Variants in DLGAP1 observed in about 807,000 individuals in gnomAD.
The protein encoded by DLGAP1 is disks large-associated protein 1.
A neutral mutation model predicts 90.8 loss-of-function variants in DLGAP1; 11 were observed. That is an observed-to-expected ratio of 0.12 (90% CI 0.08 to 0.20). The LOEUF is 0.20. DLGAP1 is among the 10% of genes least tolerant of loss of function. The probability of loss-of-function intolerance (pLI) is 1.00; values close to 1 mark genes in which losing one functional copy is unlikely to be tolerated. For synonymous variants in DLGAP1, 558 were observed against 540.7 expected (o/e 1.03, Z -0.44); for missense variants, 1,050 against 1,333.8 (o/e 0.79, Z 3.31).
chr18:4,297,786 C>A (rs144974537), intron 1 of DLGAP1, among the ~76,000 whole-genome samples: 29 of 152,234 alleles, frequency 1.9e-4, no homozygotes, highest in African/African-American at 7.0e-4. Flanking sequence ...CTTTCTCTAT[C>A]TATCACTGTT....
intron 2 of DLGAP1, among the ~76,000 whole-genome samples, chr18:4,064,202 T>C (rs9951025): frequency 0.11 from 16,652 of 152,000 alleles, 997 homozygotes; most frequent in Non-Finnish European, 0.14. Flanking sequence ...AGAAGGACAG[T>C]ATCTCATATA....
chr18:3,777,969 C>A (rs9966358), intron 5 of DLGAP1, among the ~76,000 whole-genome samples: 37,784 of 151,994 alleles, frequency 0.25, 4,920 homozygotes, highest in African/African-American at 0.33. Context: ...ATGAATCCTT[C>A]GTAAGTAAGC....
chr18:4,176,285 A>G (rs1463494526), intron 1 of DLGAP1, among the ~76,000 whole-genome samples: 1 of 152,238 alleles, frequency 6.6e-6, no homozygotes. Context: ...TTTCCAAGTG[A>G]ATGACTTCCA....
In DLGAP1 at chr18:4,115,316, A is replaced by G. The variant is rs563241629; in HGVS notation, c.-159+35864T>C. Among the ~76,000 whole-genome samples the G allele has an allele frequency of 1.1e-3, 156 of 148,188 alleles. 1 individual carries two copies. Among genetic ancestry groups the G allele is most frequent in the Non-Finnish European group, 1.7e-3 (114 of 67,226 alleles). The stretch of plus-strand genomic sequence containing the variant: ...GTTACAAACCAAAAAATACATTGTT[A>G]TAATTTTACATAATCTTATGTTTTT... On this transcript the variant is annotated intron_variant, in intron 2 of 12. Coordinates refer to ENST00000315677, the MANE Select transcript of DLGAP1 (RefSeq NM_004746.4).
intron 1 of DLGAP1, among the ~76,000 whole-genome samples, chr18:4,227,542 G>C (rs1166240502): frequency 2.6e-5 from 4 of 151,778 alleles, no homozygotes. Flanking sequence ...TCAATAATGA[G>C]AAATTTTTAA....
Position 4,134,993 on chromosome 18 carries a change from A to C in DLGAP1, c.-159+16187T>G, listed in dbSNP as rs1009231459. ...TGCAAAAAGCCCCACAGAATTTTAC[A>C]TAGGAATTTGAATAGTGTGGCCGGA... On this transcript the variant is annotated intron_variant, in intron 2 of 12. Transcript: ENST00000315677. Among the ~76,000 whole-genome samples, 4 of 152,138 alleles carry C rather than the reference A, an allele frequency of 2.6e-5. No homozygotes were observed. The South Asian group carries it at 8.3e-4, about 32-fold the overall frequency.
chr18:3,685,748 G>C (rs1389015764), intron 7 of DLGAP1, among the ~76,000 whole-genome samples: 1 of 152,092 alleles, frequency 6.6e-6, no homozygotes, highest in Non-Finnish European at 1.5e-5. Flanking sequence ...CCCAGCCCAA[G>C]ATGCTACCCT....
chr18:4,269,572 T>G lies in DLGAP1; in HGVS notation c.-266-118285A>C, dbSNP rs765017932. Among the ~76,000 whole-genome samples, 3 of 151,996 alleles carry G rather than the reference T, an allele frequency of 2.0e-5. No homozygotes were observed. The South Asian group carries it at 6.2e-4, about 32-fold the overall frequency. ...GGTTTCACCGTGTTAGCCAGGATGG[T>G]CTCGATCTCCTGACCTTGTGATCCA... On this transcript the variant is annotated intron_variant, in intron 1 of 12. Coordinates refer to ENST00000315677, the MANE Select transcript of DLGAP1 (RefSeq NM_004746.4).
intron 1 of DLGAP1, among the ~76,000 whole-genome samples, chr18:4,357,897 T>G (rs1158563136): frequency 6.6e-6 from 1 of 152,250 alleles, no homozygotes; most frequent in East Asian, 1.9e-4. Context: ...TGCTCCTCAC[T>G]GCTTCTCAAC....
chr18:3,731,860 A>G (rs1054332444), intron 6 of DLGAP1, among the ~76,000 whole-genome samples: 2 of 152,198 alleles, frequency 1.3e-5, no homozygotes, highest in African/African-American at 4.8e-5. Flanking sequence ...ATCAAGAAGC[A>G]AAACTTTTCT....
At chr18:4,043,279 G>A (rs2075002705) in intron 2 of DLGAP1, among the ~76,000 whole-genome samples, 1 of 152,194 alleles carries the variant, frequency 6.6e-6, no homozygotes, top group Admixed American at 6.5e-5. Context: ...TTATGCAAAT[G>A]TAGAAAATGA....
chr18:4,137,788 TCTC>T (rs1030156838), intron 2 of DLGAP1, among the ~76,000 whole-genome samples: 50 of 152,226 alleles, frequency 3.3e-4, no homozygotes, highest in African/African-American at 1.1e-3. Context: ...TGTTTTGTAT[TCTC>T]CTAAATTCTT....
At chr18:3,764,079 C>T (rs1482577358) in intron 5 of DLGAP1, among the ~76,000 whole-genome samples, 4 of 152,228 alleles carry the variant, frequency 2.6e-5, no homozygotes, top group Non-Finnish European at 5.9e-5. Flanking sequence ...GAGTGCGTTA[C>T]ATGGCCCTAT....
rs111367121 is a variant in DLGAP1 at position 3,946,492 on chromosome 18, G to C, written c.-73+58624C>G. On this transcript the variant is annotated intron_variant, in intron 3 of 12. Coordinates refer to ENST00000315677, the MANE Select transcript of DLGAP1 (RefSeq NM_004746.4). Reference sequence around the variant, plus strand: ...TTAAGAAGTTAAGTCATTTTCCAAGGCAAATCAAAATAGATTTGATCAATT... The same window carrying C: ...TTAAGAAGTTAAGTCATTTTCCAAGCCAAATCAAAATAGATTTGATCAATT... 5.9e-3 allele frequency among the ~76,000 whole-genome samples: 893 copies of C among 152,188 alleles called. 9 individuals carry two copies. The highest frequency in any genetic ancestry group is 0.037 in the South Asian group (179 of 4,820).
At chr18:4,083,844 A>G (rs995068496) in intron 2 of DLGAP1, among the ~76,000 whole-genome samples, 2 of 152,102 alleles carry the variant, frequency 1.3e-5, no homozygotes, top group South Asian at 2.1e-4. Context: ...CAAGTGTTAC[A>G]GGGTGCTCTT....
At chr18:3,948,864 C>T (rs776351545) in intron 3 of DLGAP1, among the ~76,000 whole-genome samples, 5 of 151,688 alleles carry the variant, frequency 3.3e-5, no homozygotes, top group African/African-American at 7.3e-5. Context: ...CACAAATCAC[C>T]CCAAAGAACT....
intron 1 of DLGAP1, among the ~76,000 whole-genome samples, chr18:4,341,631 T>C (rs1598940692): frequency 6.6e-6 from 1 of 152,150 alleles, no homozygotes; most frequent in African/African-American, 2.4e-5. Context: ...TCTACAAACC[T>C]ATCCCCACCC....
At chr18:3,503,433 A>C (rs569645616) in intron 11 of DLGAP1, among the ~76,000 whole-genome samples, 10 of 152,300 alleles carry the variant, frequency 6.6e-5, no homozygotes, top group African/African-American at 2.4e-4. Context: ...GAACATATAA[A>C]CCTGAATTTA....
At chr18:4,445,404 G>A (rs1403822344) in intron 1 of DLGAP1, among the ~76,000 whole-genome samples, 4 of 149,512 alleles carry the variant, frequency 2.7e-5, no homozygotes, top group African/African-American at 2.5e-5. Flanking sequence ...CCACTAACTC[G>A]TCATCTAGCA....
Sources: gnomAD v4.1 joint callset for allele counts (sites outside exome capture counted in the v4.1 genomes callset) on GRCh38, gnomAD v4.1.1 for gene constraint, MANE v1.5 for transcripts, NCBI Gene and HGNC (gene_info 2026-07-23, HGNC 2026-07-21) for gene names.